TSPYL5: variants seen among roughly 807,000 people sequenced by gnomAD.
The protein encoded by TSPYL5 is TSPY like 5, also known as testis-specific Y-encoded-like protein 5.
For synonymous variants in TSPYL5, 276 were observed against 236.1 expected (o/e 1.17, Z -1.55); for missense variants, 556 against 555.5 (o/e 1.00, Z -0.01).
Position 97,277,004 on chromosome 8 carries a change from C to T in TSPYL5, c.841G>A (p.Glu281Lys). 6.2e-7 allele frequency: 1 copy of T among 1,614,222 alleles called. No homozygotes were observed. Among genetic ancestry groups the T allele is most frequent in the Non-Finnish European group, 8.5e-7 (1 of 1,180,038 alleles). ...KEVLSYLNSL[E>K]VEELGLARLG... ...CTGGCAAGGCCGAGCTCTTCCACTT[C>T]CAAGCTGTTTAAGTAGCTCAGTACC... Residue 281 changes from glutamate to lysine, a missense_variant, in exon 1 of 1, where the codon GAA (glutamate) becomes AAA (lysine). Glu to Lys is a moderately conservative substitution (Grantham distance 56). Coordinates refer to ENST00000322128, the MANE Select transcript of TSPYL5 (RefSeq NM_033512.3). This position sits in a 1 kb window ranked among gnomAD's most constrained non-coding sequence, Gnocchi z 4.5.
Position 97,276,730 on chromosome 8 carries a change from T to C in TSPYL5, c.1115A>G (p.Glu372Gly). 6.2e-7 allele frequency: 1 copy of C among 1,614,164 alleles called. No homozygotes were observed. Among genetic ancestry groups the C allele is most frequent in the Non-Finnish European group, 8.5e-7 (1 of 1,180,036 alleles). The change falls in exon 1 of 1, where the codon GAA becomes GGA. Residue 372 changes from glutamate to glycine, a missense_variant. By Grantham distance (98) the Glu-to-Gly change is moderately conservative. Transcript: ENST00000322128. ...SDKIVEIINEELWPNPLQFYL... is the reference protein window; with the variant it reads ...SDKIVEIINEGLWPNPLQFYL... ...GAACTGCAAGGGATTGGGCCACAATTCTTCGTTGATTATCTCCACAATCTT... is the reference window on the plus strand; with the variant it reads ...GAACTGCAAGGGATTGGGCCACAATCCTTCGTTGATTATCTCCACAATCTT...
rs1810462496 is a variant in TSPYL5, at chr8:97,273,537, CTATT to C, written c.*3050_*3053del. 1 of 152,558 alleles carries C rather than the reference CTATT, an allele frequency of 6.6e-6. No homozygotes were observed. Among genetic ancestry groups the C allele is most frequent in the Non-Finnish European group, 1.5e-5 (1 of 68,030 alleles). 9.5% of individuals were successfully genotyped at this position (152,558 alleles called of 1,614,324 possible). ...TTCCATCATGCATGCAAACTTACAACTATTTATACTGTTTAAGAACACAGAAATA... is the reference window on the plus strand; with the variant it reads ...TTCCATCATGCATGCAAACTTACAACTATACTGTTTAAGAACACAGAAATA... On this transcript the variant is annotated 3_prime_UTR_variant, in exon 1 of 1. Transcript: ENST00000322128.
In TSPYL5 at chr8:97,275,094, C is replaced by A. The variant is rs925002299; in HGVS notation, c.*1497G>T. 1 of 152,268 alleles carries A rather than the reference C, an allele frequency of 6.6e-6. No individual in the cohort carries two copies. Among genetic ancestry groups the A allele is most frequent in the Non-Finnish European group, 1.5e-5 (1 of 68,058 alleles). The allele number at this position is 152,268 out of a possible 1,614,324, so 9.4% of individuals were successfully genotyped here. On this transcript the variant is annotated 3_prime_UTR_variant, in exon 1 of 1. Transcript: ENST00000322128. Reference sequence around the variant, plus strand: ...AACAAAGTCAAAACAAGAGTAAACACTAGTCTATGACATGGCTGCCTTGGG... The same window carrying A: ...AACAAAGTCAAAACAAGAGTAAACAATAGTCTATGACATGGCTGCCTTGGG...
In TSPYL5 at chr8:97,276,960, C is replaced by T. The variant is rs766667053; in HGVS notation, c.885G>A (p.Lys295=). 18 of 1,614,084 alleles carry T rather than the reference C, an allele frequency of 1.1e-5. No homozygotes were observed. The highest frequency in any genetic ancestry group is 1.4e-5 in the Non-Finnish European group (17 of 1,180,046). ...AATACGGGTTGCGATCGAAGTAGAACTTGATTTTGTAGCCCAATCTGGCAA... is the reference window on the plus strand; with the variant it reads ...AATACGGGTTGCGATCGAAGTAGAATTTGATTTTGTAGCCCAATCTGGCAA... ...LGLARLGYKI[K]FYFDRNPYFQ... Residue 295 remains lysine (K), a synonymous_variant, in exon 1 of 1, where the codon AAG becomes AAA. Transcript: ENST00000322128.
rs923997878 is a variant in TSPYL5 at position 97,276,388 on chromosome 8, C to T, written c.*203G>A. The T allele has an allele frequency of 5.1e-5, 34 of 661,670 alleles. No homozygotes were observed. Among genetic ancestry groups the T allele is most frequent in the Admixed American group, 1.1e-4 (4 of 36,748 alleles). The allele number at this position is 661,670 out of a possible 1,614,324, so 41.0% of individuals were successfully genotyped here. Reference sequence around the variant, plus strand: ...GCTTAACATATGAACAGTCCGGGTGCGATCACATAACATGTGACACTAACG... The same window carrying T: ...GCTTAACATATGAACAGTCCGGGTGTGATCACATAACATGTGACACTAACG... On this transcript the variant is annotated 3_prime_UTR_variant, in exon 1 of 1. Transcript: ENST00000322128.
rs899129715 is a variant in TSPYL5 at position 97,274,883 on chromosome 8, C to T, written c.*1708G>A. 6.6e-6 allele frequency: 1 copy of T among 152,270 alleles called. No homozygotes were observed. Among genetic ancestry groups the T allele is most frequent in the African/African-American group, 2.4e-5 (1 of 41,406 alleles). 9.4% of individuals were successfully genotyped at this position (152,270 alleles called of 1,614,324 possible). On this transcript the variant is annotated 3_prime_UTR_variant, in exon 1 of 1. Transcript: ENST00000322128. Reference sequence around the variant, plus strand: ...AGATTCTGCCCATCCCAATCCCCATCCCCCAGGAGAAGCTTGAGATGCTCC... The same window carrying T: ...AGATTCTGCCCATCCCAATCCCCATTCCCCAGGAGAAGCTTGAGATGCTCC...
Position 97,277,381 on chromosome 8 carries a change from G to A in TSPYL5, c.464C>T (p.Thr155Ile). 3 of 1,595,636 alleles carry A rather than the reference G, an allele frequency of 1.9e-6. No homozygotes were observed. The highest frequency in any genetic ancestry group is 2.6e-6 in the Non-Finnish European group (3 of 1,171,592). Reference sequence around the variant, plus strand: ...TATGACCTGAGGCCCCCTCCCCGCGGTGCTACAGGTTTCTGGGGCCTTCTT... The same window carrying A: ...TATGACCTGAGGCCCCCTCCCCGCGATGCTACAGGTTTCTGGGGCCTTCTT... ...AGKKAPETCS[T>I]AGRGPQVIAG... The change falls in exon 1 of 1, where the codon ACC becomes ATC. Residue 155 changes from threonine (T) to isoleucine (I), a missense_variant. Physicochemically the swap from Thr to Ile is moderately conservative, Grantham distance 89 (BLOSUM62 -1). Transcript: ENST00000322128. This position sits in a 1 kb window ranked among gnomAD's most constrained non-coding sequence, Gnocchi z 4.5.
chr8:97,276,685 G>A lies in TSPYL5; in HGVS notation c.1160C>T (p.Ala387Val). The change falls in exon 1 of 1, where the codon GCT (alanine) becomes GTT (valine). Residue 387 changes from alanine (A) to valine (V), a missense_variant. Physicochemically the swap from Ala to Val is moderately conservative, Grantham distance 64 (BLOSUM62 0). Coordinates refer to ENST00000322128, the MANE Select transcript of TSPYL5 (RefSeq NM_033512.3). ...PLQFYLLSEG[A>V]RVEKGKEKEG... Reference sequence around the variant, plus strand: ...TTTTTCCTTTCCTTTCTCTACACGAGCCCCTTCACTCAAAAGGTAGAACTG... The same window carrying A: ...TTTTTCCTTTCCTTTCTCTACACGAACCCCTTCACTCAAAAGGTAGAACTG... The A allele has an allele frequency of 6.2e-7, 1 of 1,614,146 alleles. No individual in the cohort carries two copies. Among genetic ancestry groups the A allele is most frequent in the South Asian group, 1.1e-5 (1 of 91,080 alleles).
In TSPYL5 at chr8:97,276,987, G is replaced by A. The variant is rs1034494035; in HGVS notation, c.858C>T (p.Gly286=). The A allele has an allele frequency of 1.9e-6, 3 of 1,614,104 alleles. No individual in the cohort carries two copies. Among genetic ancestry groups the A allele is most frequent in the Non-Finnish European group, 1.7e-6 (2 of 1,180,012 alleles). The change falls in exon 1 of 1, where the codon GGC becomes GGT. Residue 286 remains glycine (G), a synonymous_variant. Transcript: ENST00000322128. ...TGATTTTGTAGCCCAATCTGGCAAG[G>A]CCGAGCTCTTCCACTTCCAAGCTGT... ...YLNSLEVEEL[G]LARLGYKIKF... is the part of the protein sequence containing the mutation.
rs777131119 is a variant in TSPYL5, at chr8:97,277,035, C to G, written c.810G>C (p.Glu270Asp). ...TGTTTAAGTAGCTCAGTACCTCTTTCTCTTGGCTATTCAGAAAGGATGCTA... is the reference window on the plus strand; with the variant it reads ...TGTTTAAGTAGCTCAGTACCTCTTTGTCTTGGCTATTCAGAAAGGATGCTA... ...PQLASFLNSQ[E>D]KEVLSYLNSL... Residue 270 changes from glutamate (E) to aspartate (D), a missense_variant, in exon 1 of 1, where the codon GAG becomes GAC. Coordinates refer to ENST00000322128, the MANE Select transcript of TSPYL5 (RefSeq NM_033512.3). This position sits in a 1 kb window ranked among gnomAD's most constrained non-coding sequence, Gnocchi z 4.5. 1 of 1,614,206 alleles carries G rather than the reference C, an allele frequency of 6.2e-7. No individual in the cohort carries two copies. Among genetic ancestry groups the G allele is most frequent in the South Asian group, 1.1e-5 (1 of 91,090 alleles).
chr8:97,277,895 A>C lies in TSPYL5; in HGVS notation c.-51T>G. 1 of 1,337,034 alleles carries C rather than the reference A, an allele frequency of 7.5e-7. No individual in the cohort carries two copies. The highest frequency in any genetic ancestry group is 9.6e-7 in the Non-Finnish European group (1 of 1,044,992). 82.8% of individuals were successfully genotyped at this position (1,337,034 alleles called of 1,614,324 possible). ...ACACGCTGTGACCCTGCGGCTCCTGACGCCAGCTCTCGGTCGGGACCGAGC... is the reference window on the plus strand; with the variant it reads ...ACACGCTGTGACCCTGCGGCTCCTGCCGCCAGCTCTCGGTCGGGACCGAGC... On this transcript the variant is annotated 5_prime_UTR_variant, in exon 1 of 1. Coordinates refer to ENST00000322128, the MANE Select transcript of TSPYL5 (RefSeq NM_033512.3). The surrounding 1 kb of genome is among the most constrained non-coding windows in gnomAD (Gnocchi z 4.5).
In TSPYL5 at chr8:97,277,350, A is replaced by C. The variant is rs199697186; in HGVS notation, c.495T>G (p.Gly165=). Residue 165 remains glycine (G), a synonymous_variant, in exon 1 of 1, where the codon GGT becomes GGG. Transcript: ENST00000322128. The surrounding 1 kb of genome is among the most constrained non-coding windows in gnomAD (Gnocchi z 4.5). ...TAGRGPQVIA[G]GRQKKGAAGE... is the part of the protein sequence containing the mutation. ...CTGCCGCCCCTTTCTTCTGCCTCCC[A>C]CCAGCTATGACCTGAGGCCCCCTCC... The C allele has an allele frequency of 7.7e-5, 123 of 1,606,658 alleles. No homozygotes were observed. Among genetic ancestry groups the C allele is most frequent in the Middle Eastern group, 1.7e-4 (1 of 6,020 alleles).
Position 97,277,405 on chromosome 8 carries a change from T to A in TSPYL5, c.440A>T (p.Lys147Met), listed in dbSNP as rs368313628. The A allele has an allele frequency of 2.5e-6, 4 of 1,578,848 alleles. No homozygotes were observed. The African/African-American group carries it at 5.4e-5, about 22-fold the overall frequency. Residue 147 changes from lysine (K) to methionine (M), a missense_variant, in exon 1 of 1, where the codon AAG (lysine) becomes ATG (methionine). Physicochemically the swap from Lys to Met is moderately conservative, Grantham distance 95 (BLOSUM62 -1). Transcript: ENST00000322128. This position sits in a 1 kb window ranked among gnomAD's most constrained non-coding sequence, Gnocchi z 4.5. ...GGTGCTACAGGTTTCTGGGGCCTTC[T>A]TCCCGGCAGGGCCACGCCGGTTTCC... Reference protein sequence around the residue: ...RVGNRRGPAGKKAPETCSTAG... With the variant: ...RVGNRRGPAGMKAPETCSTAG...
In TSPYL5 at chr8:97,277,666, C is replaced by G. The variant is rs1476180723; in HGVS notation, c.179G>C (p.Gly60Ala). ...AAQVQAGAGW[G>A]GLEAAASAQL... is the part of the protein sequence containing the mutation. ...CGCGGACGCAGCGGCTTCCAGGCCACCCCACCCCGCGCCAGCCTGCACCTG... is the reference window on the plus strand; with the variant it reads ...CGCGGACGCAGCGGCTTCCAGGCCAGCCCACCCCGCGCCAGCCTGCACCTG... The change falls in exon 1 of 1, where the codon GGT (glycine) becomes GCT (alanine). Residue 60 changes from glycine to alanine, a missense_variant. By Grantham distance (60) the Gly-to-Ala change is moderately conservative. Coordinates refer to ENST00000322128, the MANE Select transcript of TSPYL5 (RefSeq NM_033512.3). This position sits in a 1 kb window ranked among gnomAD's most constrained non-coding sequence, Gnocchi z 4.5. 6.7e-7 allele frequency: 1 copy of G among 1,483,762 alleles called. No homozygotes were observed. The highest frequency in any genetic ancestry group is 8.9e-7 in the Non-Finnish European group (1 of 1,122,470). 91.9% of individuals were successfully genotyped at this position (1,483,762 alleles called of 1,614,324 possible). A position where few individuals can be genotyped will look rare whatever the true frequency, so the allele number is the denominator to read the frequency against.
Position 97,277,864 on chromosome 8 carries a change from T to C in TSPYL5, c.-20A>G, listed in dbSNP as rs761110445. On this transcript the variant is annotated 5_prime_UTR_variant, in exon 1 of 1. Transcript: ENST00000322128. This position sits in a 1 kb window ranked among gnomAD's most constrained non-coding sequence, Gnocchi z 4.5. ...GCTCATGGTGGCGGCGGAGGCAGCT[T>C]CAAAGACACGCTGTGACCCTGCGGC... 1.4e-6 allele frequency: 2 copies of C among 1,419,490 alleles called. No individual in the cohort carries two copies. Among genetic ancestry groups the C allele is most frequent in the Admixed American group, 5.3e-5 (2 of 37,784 alleles). The allele number at this position is 1,419,490 out of a possible 1,614,324, so 87.9% of individuals were successfully genotyped here.
In TSPYL5 at chr8:97,275,819, GGCTGACA is replaced by G. The variant is rs1810503781; in HGVS notation, c.*765_*771del. ...CCTTGTTGACCAGGAAGCCAACTGG[GGCTGACA>G]GCAACCCAGACAAAACTTAATGGCT... On this transcript the variant is annotated 3_prime_UTR_variant, in exon 1 of 1. Coordinates refer to ENST00000322128, the MANE Select transcript of TSPYL5 (RefSeq NM_033512.3). 6.6e-6 allele frequency: 1 copy of G among 152,192 alleles called. No homozygotes were observed. The highest frequency in any genetic ancestry group is 1.5e-5 in the Non-Finnish European group (1 of 68,090). 9.4% of individuals were successfully genotyped at this position (152,192 alleles called of 1,614,324 possible). A position where few individuals can be genotyped will look rare whatever the true frequency, so the allele number is the denominator to read the frequency against.
Position 97,277,558 on chromosome 8 carries a change from T to C in TSPYL5, c.287A>G (p.Asp96Gly). Residue 96 changes from aspartate (D) to glycine (G), a missense_variant, in exon 1 of 1, where the codon GAC (aspartate) becomes GGC (glycine). Transcript: ENST00000322128. The surrounding 1 kb of genome is among the most constrained non-coding windows in gnomAD (Gnocchi z 4.5). ...GGGCCTGGCCGCGGCCTGCCCGTGG[T>C]CCCCCGCAGCTCGGGCCCGCAGCGC... ...GLALRARAAG[D>G]HGQAAARPGP... is the part of the protein sequence containing the mutation. 6.8e-7 allele frequency: 1 copy of C among 1,469,116 alleles called. No individual in the cohort carries two copies. The highest frequency in any genetic ancestry group is 9.0e-7 in the Non-Finnish European group (1 of 1,113,716). 91.0% of individuals were successfully genotyped at this position (1,469,116 alleles called of 1,614,324 possible). A position where few individuals can be genotyped will look rare whatever the true frequency, so the allele number is the denominator to read the frequency against.
chr8:97,277,800 GT>G lies in TSPYL5; in HGVS notation c.44del (p.Asn15ThrfsTer149), dbSNP rs764100693. ...GGGCTTTGGCGCGGCCTTTGCCCCG[GT>G]TTTTGGCGCGGGAGGACTTTCGACC... ...SRGRKSSRAK[N>X]RGKGRAKARV... is the part of the protein sequence containing the mutation. On this transcript the variant is annotated frameshift_variant, in exon 1 of 1. Transcript: ENST00000322128. LOFTEE classifies it low-confidence loss of function (END_TRUNC). The surrounding 1 kb of genome is among the most constrained non-coding windows in gnomAD (Gnocchi z 4.5). The G allele has an allele frequency of 2.8e-5, 42 of 1,481,224 alleles. No individual in the cohort carries two copies. The highest frequency in any genetic ancestry group is 7.3e-5 in the Admixed American group (3 of 40,846). 91.8% of individuals were successfully genotyped at this position (1,481,224 alleles called of 1,614,324 possible).
Position 97,277,512 on chromosome 8 carries a change from A to T in TSPYL5, c.333T>A (p.Ser111=), listed in dbSNP as rs537082210. The change falls in exon 1 of 1, where the codon TCT becomes TCA. Residue 111 remains serine, a synonymous_variant. Transcript: ENST00000322128. This position sits in a 1 kb window ranked among gnomAD's most constrained non-coding sequence, Gnocchi z 4.5. ...AARPGPGKAA[S]LSERLAADTV... The stretch of plus-strand genomic sequence containing the variant: ...TGTCTGCGGCCAGGCGCTCCGAGAG[A>T]GATGCGGCCTTCCCCGGGCCGGGCC... 1 of 1,519,796 alleles carries T rather than the reference A, an allele frequency of 6.6e-7. No individual in the cohort carries two copies. The highest frequency in any genetic ancestry group is 1.4e-5 in the African/African-American group (1 of 71,410). 94.1% of individuals were successfully genotyped at this position (1,519,796 alleles called of 1,614,324 possible).
Sources: allele counts gnomAD v4.1 joint callset, GRCh38; gene constraint gnomAD v4.1.1; non-coding constraint Gnocchi (gnomAD v3.1); transcripts MANE v1.5; gene names NCBI Gene and HGNC (gene_info 2026-07-23, HGNC 2026-07-21).